The following PLPP3 variants were observed in gnomAD, a reference collection of about 807,000 sequenced individuals.
PLPP3 encodes the protein phospholipid phosphatase 3.
In PLPP3, 6 loss-of-function variants were observed where a neutral mutation model predicts 29.6. The observed-to-expected ratio is 0.20, with a 90% CI of 0.11 to 0.40. PLPP3 has a LOEUF of 0.40. Among genes scored for constraint, PLPP3 ranks in the 10% least tolerant of loss-of-function variants. PLPP3 has a pLI of 1.00. For synonymous variants in PLPP3, 152 were observed against 159.7 expected (o/e 0.95, Z 0.36); for missense variants, 308 against 407.7 (o/e 0.76, Z 2.11).
At chr1:56,521,778 T>G (rs1291201028) in intron 4 of PLPP3, among the ~76,000 whole-genome samples, 1 of 120,334 alleles carries the variant, frequency 8.3e-6, no homozygotes, top group Non-Finnish European at 1.9e-5. Flanking sequence ...CTTCCTTCCT[T>G]CCAGCAATAT....
intron 1 of PLPP3, among the ~76,000 whole-genome samples, chr1:56,544,894 A>G (rs1415760037): frequency 6.6e-6 from 1 of 152,222 alleles, no homozygotes; most frequent in African/African-American, 2.4e-5. Flanking sequence ...CTTATGACCC[A>G]AAGGCATTCA....
intron 5 of PLPP3, among the ~76,000 whole-genome samples, chr1:56,505,878 C>T (rs1645698898): frequency 6.6e-6 from 1 of 152,198 alleles, no homozygotes; most frequent in Admixed American, 6.5e-5. Context: ...TCAAGGTCAA[C>T]TGTATTTTGA....
intron 1 of PLPP3, among the ~76,000 whole-genome samples, chr1:56,552,161 T>C (rs369507446): frequency 6.6e-6 from 1 of 151,276 alleles, no homozygotes; most frequent in African/African-American, 2.4e-5. Context: ...AAATGTAAAA[T>C]TGGGGATTAT....
chr1:56,495,728 G>A lies in PLPP3; in HGVS notation c.*823C>T, dbSNP rs910560187. ...GGTGGGCACGCAGCAAGGATTTCAA[G>A]GGAGAAGGCAGTAACCGAAGTCGAA... On this transcript the variant is annotated 3_prime_UTR_variant, in exon 6 of 6. Transcript: ENST00000371250. 3 of 152,790 alleles carry A rather than the reference G, an allele frequency of 2.0e-5. No individual in the cohort carries two copies. In the South Asian group the frequency reaches 6.2e-4, roughly 32 times the overall value. The allele number at this position is 152,790 out of a possible 1,614,324, so 9.5% of individuals were successfully genotyped here.
At chr1:56,542,918 A>T (rs1315818159) in intron 1 of PLPP3, among the ~76,000 whole-genome samples, 1 of 151,544 alleles carries the variant, frequency 6.6e-6, no homozygotes, top group Admixed American at 6.6e-5. Context: ...GCTACTCAGG[A>T]GGTAAGAGGA....
chr1:56,551,289 TGGTTC>T lies in PLPP3; in HGVS notation c.140-14182_140-14178del, dbSNP rs1169681447. On this transcript the variant is annotated intron_variant, in intron 1 of 5. Transcript: ENST00000371250. ...GGCTTTCTGGGTTTGGGGTTTGGTTTGGTTCGGTTCGGTTCGGTTCGGTTCGGTTC... is the reference window on the plus strand; with the variant it reads ...GGCTTTCTGGGTTTGGGGTTTGGTTTGGTTCGGTTCGGTTCGGTTCGGTTC... Among the ~76,000 whole-genome samples, 403 of 149,118 alleles carry T rather than the reference TGGTTC, an allele frequency of 2.7e-3. 6 individuals are homozygous for T. The highest frequency in any genetic ancestry group is 8.4e-3 in the African/African-American group (340 of 40,444).
At chr1:56,506,284 G>T (rs947429093) in intron 5 of PLPP3, among the ~76,000 whole-genome samples, 1 of 152,162 alleles carries the variant, frequency 6.6e-6, no homozygotes, top group Non-Finnish European at 1.5e-5. Context: ...GTCCTTGGGC[G>T]TGTCCTGGCC....
intron 5 of PLPP3, among the ~76,000 whole-genome samples, chr1:56,509,832 C>CAAAAA (rs59418227): frequency 3.5e-5 from 3 of 86,154 alleles, no homozygotes; most frequent in Non-Finnish European, 4.2e-5. Context: ...GCGAGACTCT[C>CAAAAA]AAAAAAAAAA....
chr1:56,496,880 T>C (rs1413741221), intron 5 of PLPP3, among the ~76,000 whole-genome samples: 1 of 152,194 alleles, frequency 6.6e-6, no homozygotes, highest in East Asian at 1.9e-4. Flanking sequence ...GGCAGTGACA[T>C]GTCCCAGGTT....
At chr1:56,496,802 G>C in intron 5 of PLPP3, 126 bp from the exon 6 acceptor site, 1 of 913,330 alleles carries the variant, frequency 1.1e-6, no homozygotes, top group Non-Finnish European at 1.6e-6. Context: ...TCTTTGAATA[G>C]GGAAGGACAA....
Position 56,494,798 on chromosome 1 carries a change from T to A in PLPP3, c.*1753A>T, listed in dbSNP as rs1277043631. The A allele has an allele frequency of 6.6e-6, 1 of 152,670 alleles. No individual in the cohort carries two copies. The highest frequency in any genetic ancestry group is 1.5e-5 in the Non-Finnish European group (1 of 68,038). The allele number at this position is 152,670 out of a possible 1,614,324, so 9.5% of individuals were successfully genotyped here. On this transcript the variant is annotated 3_prime_UTR_variant, in exon 6 of 6. Coordinates refer to ENST00000371250, the MANE Select transcript of PLPP3 (RefSeq NM_003713.5). ...CGAGCTTTTATTTAAAAAGCACATT[T>A]AATACAAGTATAGTTTCGCAGATAC...
intron 2 of PLPP3, among the ~76,000 whole-genome samples, chr1:56,529,781 GT>G (rs1455742578): frequency 6.6e-6 from 1 of 152,114 alleles, no homozygotes; most frequent in Non-Finnish European, 1.5e-5. Context: ...GTGCCTCACT[GT>G]CTGGGAAAGG....
chr1:56,505,181 T>G (rs2100224917), intron 5 of PLPP3, among the ~76,000 whole-genome samples: 1 of 152,348 alleles, frequency 6.6e-6, no homozygotes, highest in African/African-American at 2.4e-5. Flanking sequence ...AGCATAGTAC[T>G]TAACGCACAA....
Position 56,508,861 on chromosome 1 carries a change from A to T in PLPP3, c.810+3115T>A, listed in dbSNP as rs114373455. Among the ~76,000 whole-genome samples the T allele has an allele frequency of 6.4e-3, 974 of 152,238 alleles. 10 individuals are homozygous for T. The highest frequency in any genetic ancestry group is 0.022 in the African/African-American group (929 of 41,544). On this transcript the variant is annotated intron_variant, in intron 5 of 5. Transcript: ENST00000371250. ...CTCACAGATCTACCCATCTCTCCTC[A>T]ATCCAGGGTCCTGAGCTTTGCTTCT...
At chr1:56,528,909 T>C (rs1212734683) in intron 2 of PLPP3, among the ~76,000 whole-genome samples, 1 of 150,960 alleles carries the variant, frequency 6.6e-6, no homozygotes, top group Admixed American at 6.6e-5. Context: ...CCTACTCTAC[T>C]GTTTTGTGTT....
At chr1:56,572,231 G>A (rs1410716858) in intron 1 of PLPP3, among the ~76,000 whole-genome samples, 1 of 151,692 alleles carries the variant, frequency 6.6e-6, no homozygotes, top group Non-Finnish European at 1.5e-5. Flanking sequence ...TGTATTTTTA[G>A]TAGAGACGGG....
intron 4 of PLPP3, among the ~76,000 whole-genome samples, chr1:56,517,980 A>C (rs567196237): frequency 6.6e-6 from 1 of 152,206 alleles, no homozygotes; most frequent in Non-Finnish European, 1.5e-5. Context: ...CCCTGAGTCC[A>C]CCCCTAAGCA....
intron 2 of PLPP3, among the ~76,000 whole-genome samples, chr1:56,534,886 A>C (rs1251121024): frequency 6.6e-6 from 1 of 152,080 alleles, no homozygotes; most frequent in Non-Finnish European, 1.5e-5. Context: ...AGAAATTCCT[A>C]TTGCAAAGAG....
At chr1:56,535,965 C>A (rs918209342) in intron 2 of PLPP3, among the ~76,000 whole-genome samples, 2 of 152,302 alleles carry the variant, frequency 1.3e-5, no homozygotes, top group East Asian at 1.9e-4. Context: ...CAATGATCCA[C>A]CTAATTCACA....
Sources: gnomAD v4.1 joint callset for allele counts (sites outside exome capture counted in the v4.1 genomes callset) on GRCh38, gnomAD v4.1.1 for gene constraint, MANE v1.5 for transcripts, NCBI Gene and HGNC (gene_info 2026-07-23, HGNC 2026-07-21) for gene names.